GRM7: variants seen among roughly 807,000 people sequenced by gnomAD.
GRM7 encodes the protein metabotropic glutamate receptor 7.
In GRM7, 35 loss-of-function variants were observed where a neutral mutation model predicts 84.5. That is an observed-to-expected ratio of 0.41 (90% CI 0.32 to 0.55). GRM7 has a LOEUF of 0.55. Among genes scored for constraint, GRM7 ranks in the 20% least tolerant of loss-of-function variants. The pLI is 0.19. For missense variants in GRM7, 1,003 were observed against 1,194.6 expected (o/e 0.84, Z 2.36); for synonymous variants, 487 against 455.1 (o/e 1.07, Z -0.89).
intron 1 of GRM7, among the ~76,000 whole-genome samples, chr3:7,092,069 C>T (rs9870887): frequency 0.47 from 71,906 of 151,808 alleles, 18,335 homozygotes; most frequent in African/African-American, 0.68. Context: ...AGTGAAGTGG[C>T]GTGATCTCAG....
chr3:7,354,923 C>A (rs1693325102), intron 4 of GRM7, among the ~76,000 whole-genome samples: 1 of 152,186 alleles, frequency 6.6e-6, no homozygotes, highest in African/African-American at 2.4e-5. Context: ...TATATCAACT[C>A]TTCAGCTCTC....
At chr3:6,869,053 T>G (rs2124938383) in intron 1 of GRM7, among the ~76,000 whole-genome samples, 1 of 152,304 alleles carries the variant, frequency 6.6e-6, no homozygotes, top group South Asian at 2.1e-4. Context: ...TCTTTAAACA[T>G]TTTTATTATG....
chr3:7,693,776 T>C (rs1700906308), intron 9 of GRM7: 1 of 772,048 alleles, frequency 1.3e-6, no homozygotes, highest in African/African-American at 1.7e-5. Flanking sequence ...AAAGAGACCT[T>C]ATCCTGTTTG....
intron 8 of GRM7, among the ~76,000 whole-genome samples, chr3:7,620,355 C>G (rs1232069381): frequency 1.3e-5 from 2 of 152,002 alleles, no homozygotes; most frequent in African/African-American, 2.4e-5. Flanking sequence ...AGAATTTTAT[C>G]TATTTGCTCA....
At chr3:7,307,942 T>G (rs1319583150) in intron 4 of GRM7, among the ~76,000 whole-genome samples, 1 of 114,206 alleles carries the variant, frequency 8.8e-6, no homozygotes, top group Non-Finnish European at 2.3e-5. Context: ...AAGTACAGTA[T>G]GGAGGGCACA....
At chr3:7,347,696 A>G (rs1559255173) in intron 4 of GRM7, among the ~76,000 whole-genome samples, 1 of 152,286 alleles carries the variant, frequency 6.6e-6, no homozygotes, top group Non-Finnish European at 1.5e-5. Context: ...ATTAAAAACA[A>G]TGCAAAAACT....
At chr3:7,321,078 T>C (rs367627286) in intron 4 of GRM7, among the ~76,000 whole-genome samples, 76 of 152,076 alleles carry the variant, frequency 5.0e-4, no homozygotes, top group Middle Eastern at 6.8e-3. Flanking sequence ...GTCCCCTAGA[T>C]GAGCTTTCAA....
chr3:6,901,604 TAAAAAAAAAAAA>T (rs33945077), intron 1 of GRM7, among the ~76,000 whole-genome samples: 1,217 of 40,546 alleles, frequency 0.03, 57 homozygotes, highest in African/African-American at 0.11. Flanking sequence ...AGACTCCGTC[TAAAAAAAAAAAA>T]AAAAAAAAAA....
At chr3:6,941,623 A>T (rs1204096274) in intron 1 of GRM7, among the ~76,000 whole-genome samples, 1 of 152,240 alleles carries the variant, frequency 6.6e-6, no homozygotes, top group African/African-American at 2.4e-5. Flanking sequence ...AATACAGGTC[A>T]AAAAGGCATT....
chr3:7,726,965 G>A lies in GRM7; in HGVS notation c.2699-13392G>A, dbSNP rs75204175. ...AAACAGTCTCATCACATTTTGTTTT[G>A]TCTTTTACAGCGTTGAAATATTTGA... is the stretch of plus-strand genomic sequence containing the variant. On this transcript the variant is annotated intron_variant, in intron 9 of 9. Transcript: ENST00000357716. Among the ~76,000 whole-genome samples the A allele has an allele frequency of 4.4e-4, 67 of 151,066 alleles. 2 individuals carry two copies. The East Asian group carries it at 8.4e-3, about 19-fold the overall frequency.
At chr3:7,242,241 C>A (rs893463861) in intron 2 of GRM7, among the ~76,000 whole-genome samples, 2 of 152,130 alleles carry the variant, frequency 1.3e-5, no homozygotes, top group African/African-American at 4.8e-5. Context: ...GTTTACTTCC[C>A]AGGGAGCCGA....
chr3:7,094,746 C>T (rs939102970), intron 1 of GRM7, among the ~76,000 whole-genome samples: 9 of 152,014 alleles, frequency 5.9e-5, no homozygotes, highest in Admixed American at 1.3e-4. Flanking sequence ...CCTCCATTTC[C>T]TAATTTGCAA....
At chr3:7,712,436 TTC>T (rs1357573571) in intron 9 of GRM7, among the ~76,000 whole-genome samples, 2 of 151,810 alleles carry the variant, frequency 1.3e-5, no homozygotes, top group Non-Finnish European at 2.9e-5. Flanking sequence ...CTCCCTCTCC[TTC>T]TCTCTCTTAC....
intron 7 of GRM7, among the ~76,000 whole-genome samples, chr3:7,533,270 A>G (rs769747123): frequency 1.3e-5 from 2 of 152,214 alleles, no homozygotes; most frequent in Admixed American, 6.5e-5. Context: ...AGCAAATGCA[A>G]AAGAACAGAA....
At chr3:7,658,414 C>G (rs377331956) in intron 8 of GRM7, among the ~76,000 whole-genome samples, 1 of 152,098 alleles carries the variant, frequency 6.6e-6, no homozygotes, top group Non-Finnish European at 1.5e-5. Context: ...TTTTGGTAGC[C>G]TTTCGCCTAG....
chr3:7,724,345 G>A (rs1702050782), intron 9 of GRM7, among the ~76,000 whole-genome samples: 1 of 152,154 alleles, frequency 6.6e-6, no homozygotes, highest in Non-Finnish European at 1.5e-5. Context: ...CATTTATTCA[G>A]TAGAAGCCAC....
intron 7 of GRM7, among the ~76,000 whole-genome samples, chr3:7,551,083 T>C (rs1393731966): frequency 6.6e-6 from 1 of 152,216 alleles, no homozygotes; most frequent in African/African-American, 2.4e-5. Flanking sequence ...ATTTTTCAAA[T>C]TTCTGCATGT....
chr3:7,035,776 G>A (rs960493063), intron 1 of GRM7, among the ~76,000 whole-genome samples: 14 of 151,868 alleles, frequency 9.2e-5, no homozygotes, highest in African/African-American at 3.1e-4. Flanking sequence ...AAGATTTGGG[G>A]ACATCTCAGA....
chr3:7,471,089 C>G (rs1698682010), intron 7 of GRM7, among the ~76,000 whole-genome samples: 1 of 151,618 alleles, frequency 6.6e-6, no homozygotes, highest in African/African-American at 2.4e-5. Flanking sequence ...AAAGTCAAAT[C>G]AAGCAAAATA....
Sources: allele counts gnomAD v4.1 joint callset (sites outside exome capture counted in the v4.1 genomes callset), GRCh38; gene constraint gnomAD v4.1.1; transcripts MANE v1.5; gene names NCBI Gene and HGNC (gene_info 2026-07-23, HGNC 2026-07-21).